MAPK9: variants seen among roughly 807,000 people sequenced by gnomAD.
MAPK9 encodes mitogen-activated protein kinase 9.
In MAPK9, 30 loss-of-function variants were observed where a neutral mutation model predicts 57.1. The ratio of observed to expected loss-of-function variants is 0.53; its 90% CI spans 0.39 to 0.71. The LOEUF (loss-of-function observed/expected upper bound fraction) is 0.71, where lower values mean the gene tolerates loss of function less well. MAPK9 is among the 30% of genes least tolerant of loss of function. The probability of loss-of-function intolerance (pLI) is 0.00; values close to 1 mark genes in which losing one functional copy is unlikely to be tolerated. For missense variants in MAPK9, 362 were observed against 521.0 expected, an observed-to-expected ratio of 0.69 and a Z score of 2.97; for synonymous variants, 155 against 177.0, an observed-to-expected ratio of 0.88 and a Z score of 0.99.
At chr5:180,259,935 ATTCAG>A (rs796255516) in intron 5 of MAPK9, among the ~76,000 whole-genome samples, 16 of 152,372 alleles carry the variant, frequency 1.1e-4, no homozygotes, top group African/African-American at 3.8e-4. Flanking sequence ...CATTCAGTTA[ATTCAG>A]TTATCTTTGA....
intron 2 of MAPK9, among the ~76,000 whole-genome samples, chr5:180,275,162 G>T (rs534291072): frequency 6.6e-6 from 1 of 152,144 alleles, no homozygotes; most frequent in African/African-American, 2.4e-5. Context: ...TATTCATGTT[G>T]TCATATCTCC....
At chr5:180,240,993 G>A (rs1179065631) in intron 9 of MAPK9, 38 bp downstream of exon 9, 15 of 1,586,484 alleles carry the variant, frequency 9.5e-6, no homozygotes, top group Non-Finnish European at 1.3e-5. Flanking sequence ...ATATAAGCCT[G>A]GCCTCTCTAT....
intron 1 of MAPK9, among the ~76,000 whole-genome samples, chr5:180,282,414 A>G (rs1762388910): frequency 6.6e-6 from 1 of 152,216 alleles, no homozygotes; most frequent in Non-Finnish European, 1.5e-5. Context: ...CAGTGAGTCC[A>G]TTATCTATAT....
chr5:180,244,136 ACT>A (rs1185071175), intron 7 of MAPK9, among the ~76,000 whole-genome samples: 1 of 152,132 alleles, frequency 6.6e-6, no homozygotes, highest in Non-Finnish European at 1.5e-5. Flanking sequence ...GGTGTGAGCC[ACT>A]GCGCCCAGCC....
In MAPK9 at chr5:180,247,984, C is replaced by T. The variant is rs1014693187; in HGVS notation, c.617-474G>A. 3 of 1,561,470 alleles carry T rather than the reference C, an allele frequency of 1.9e-6. No individual in the cohort carries two copies. Among genetic ancestry groups the T allele is most frequent in the Non-Finnish European group, 2.6e-6 (3 of 1,145,786 alleles). ...GAGTCCCCCATCTTTTTTCTTCAAA[C>T]CCCCTCCCAGGACAAACCCGGTACA... On this transcript the variant is annotated intron_variant, in intron 6 of 11. Transcript: ENST00000452135. The surrounding 1 kb of genome is among the most constrained non-coding windows in gnomAD (Gnocchi z 4.5).
In MAPK9 at chr5:180,268,566, G is replaced by A. The variant is rs538869964; in HGVS notation, c.252+714C>T. Reference sequence around the variant, plus strand: ...TTATCAGCCGGGCGCCATGGCTCACGCCTGTAATCCCAGCACTTTGGGAGG... The same window carrying A: ...TTATCAGCCGGGCGCCATGGCTCACACCTGTAATCCCAGCACTTTGGGAGG... On this transcript the variant is annotated intron_variant, in intron 3 of 11. Coordinates refer to ENST00000452135, the MANE Select transcript of MAPK9 (RefSeq NM_002752.5). 3.6e-4 allele frequency among the ~76,000 whole-genome samples: 55 copies of A among 152,340 alleles called. No individual in the cohort carries two copies. The East Asian group carries it at 3.7e-3, about 10-fold the overall frequency.
At chr5:180,252,910 CCT>C (rs925366447) in intron 5 of MAPK9, among the ~76,000 whole-genome samples, 12 of 152,202 alleles carry the variant, frequency 7.9e-5, no homozygotes, top group African/African-American at 2.7e-4. Context: ...CCAGATTTCC[CCT>C]GAGGAAGAGA....
Position 180,236,429 on chromosome 5 carries a change from G to C in MAPK9, c.1230C>G (p.Asp410Glu). The C allele has an allele frequency of 6.2e-7, 1 of 1,613,810 alleles. No homozygotes were observed. The highest frequency in any genetic ancestry group is 1.7e-5 in the Admixed American group (1 of 60,000). Reference protein sequence around the residue: ...STEQTLASDTDSSLDASTGPL... With the variant: ...STEQTLASDTESSLDASTGPL... Reference sequence around the variant, plus strand: ...GTCCCGTCGAGGCATCAAGACTGCTGTCTGTGTCTGAGGCCAGCGTCTGCT... The same window carrying C: ...GTCCCGTCGAGGCATCAAGACTGCTCTCTGTGTCTGAGGCCAGCGTCTGCT... The change falls in exon 12 of 12, where the codon GAC becomes GAG. Residue 410 changes from aspartate (D) to glutamate (E), a missense_variant. By Grantham distance (45) the Asp-to-Glu change is conservative. Transcript: ENST00000452135.
rs747553204 is a variant in MAPK9 at position 180,269,261 on chromosome 5, A to C, written c.252+19T>G. 3 of 1,610,598 alleles carry C rather than the reference A, an allele frequency of 1.9e-6. No homozygotes were observed. The highest frequency in any genetic ancestry group is 1.7e-5 in the Admixed American group (1 of 59,960). On this transcript the variant is annotated intron_variant, in intron 3 of 11. Coordinates refer to ENST00000452135, the MANE Select transcript of MAPK9 (RefSeq NM_002752.5). ...TTGACAATATGGAAGCACACAGACA[A>C]AATACATACATAACTTACATTTTTA... is the stretch of plus-strand genomic sequence containing the variant.
intron 3 of MAPK9, among the ~76,000 whole-genome samples, chr5:180,267,028 C>A (rs751031893): frequency 5.9e-5 from 9 of 152,026 alleles, no homozygotes; most frequent in Non-Finnish European, 7.4e-5. Flanking sequence ...TGGCTCATAT[C>A]TATGTTCATT....
chr5:180,263,068 C>G (rs1351487781), intron 4 of MAPK9: 6 of 152,404 alleles, frequency 3.9e-5, no homozygotes, highest in Non-Finnish European at 8.8e-5. Flanking sequence ...CCAGTTCCAC[C>G]TTGATGTCTA....
At chr5:180,245,953 C>T (rs1043519532) in intron 7 of MAPK9, 5 of 152,164 alleles carry the variant, frequency 3.3e-5, no homozygotes, top group Admixed American at 1.3e-4. Flanking sequence ...ATGTTAAACT[C>T]TGTGTGGCTT....
At chr5:180,262,766 G>A (rs1344183744) in intron 4 of MAPK9, among the ~76,000 whole-genome samples, 2 of 152,008 alleles carry the variant, frequency 1.3e-5, no homozygotes, top group South Asian at 2.1e-4. Flanking sequence ...ATCCCACTTG[G>A]ATCAGGTTTG....
At chr5:180,264,097 C>T (rs1760286602) in intron 4 of MAPK9, among the ~76,000 whole-genome samples, 1 of 152,170 alleles carries the variant, frequency 6.6e-6, no homozygotes, top group African/African-American at 2.4e-5. Context: ...ACTGCAGCCT[C>T]AAGTCCAACC....
intron 3 of MAPK9, among the ~76,000 whole-genome samples, chr5:180,268,152 C>T (rs181132252): frequency 1.3e-5 from 2 of 152,232 alleles, no homozygotes; most frequent in East Asian, 1.9e-4. Context: ...AACATGGCAA[C>T]GTTATCAACA....
intron 2 of MAPK9, among the ~76,000 whole-genome samples, chr5:180,277,560 T>C (rs1761935512): frequency 1.3e-5 from 2 of 152,328 alleles, no homozygotes; most frequent in South Asian, 4.1e-4. Context: ...AATATACAAA[T>C]TCCAGGGATT....
chr5:180,267,519 G>T (rs562855310), intron 3 of MAPK9, among the ~76,000 whole-genome samples: 1 of 142,912 alleles, frequency 7.0e-6, no homozygotes. Flanking sequence ...CTGAGATCGC[G>T]CCACTGCCCT....
At chr5:180,240,802 G>C (rs1323304146) in intron 9 of MAPK9, among the ~76,000 whole-genome samples, 2 of 152,266 alleles carry the variant, frequency 1.3e-5, no homozygotes, top group Non-Finnish European at 2.9e-5. Flanking sequence ...GCAAAATGGA[G>C]ACTGGTAGCA....
intron 5 of MAPK9, among the ~76,000 whole-genome samples, chr5:180,254,099 T>C (rs896953308): frequency 4.6e-5 from 7 of 151,584 alleles, no homozygotes; most frequent in Non-Finnish European, 8.8e-5. Flanking sequence ...CCTGACTAGC[T>C]GGGATTATAG....
Sources: gnomAD v4.1 joint callset for allele counts (sites outside exome capture counted in the v4.1 genomes callset) on GRCh38, gnomAD v4.1.1 for gene constraint, Gnocchi (gnomAD v3.1) non-coding constraint, MANE v1.5 for transcripts, NCBI Gene and HGNC (gene_info 2026-07-23, HGNC 2026-07-21) for gene names.